FHIT: variants seen among roughly 807,000 people sequenced by gnomAD.
FHIT encodes the protein fragile histidine triad diadenosine triphosphatase.
A neutral mutation model predicts 17.9 loss-of-function variants in FHIT; 19 were observed. The ratio of observed to expected loss-of-function variants is 1.06; its 90% CI spans 0.74 to 1.56. FHIT has a LOEUF of 1.56. Among genes scored for constraint, FHIT ranks in the 40% most tolerant of loss-of-function variants. The probability of loss-of-function intolerance (pLI) is 0.00; values close to 1 mark genes in which losing one functional copy is unlikely to be tolerated. For synonymous variants in FHIT, 81 were observed against 69.7 expected (o/e 1.16, Z -0.81); for missense variants, 248 against 189.2 (o/e 1.31, Z -1.82).
At chr3:60,297,248 C>G (rs763266197) in intron 5 of FHIT, among the ~76,000 whole-genome samples, 4 of 152,046 alleles carry the variant, frequency 2.6e-5, no homozygotes, top group Non-Finnish European at 2.9e-5. Flanking sequence ...GACATATTTA[C>G]TATGATGAAT....
intron 4 of FHIT, among the ~76,000 whole-genome samples, chr3:60,683,686 T>C (rs1046740499): frequency 3.3e-5 from 5 of 152,196 alleles, no homozygotes; most frequent in African/African-American, 7.2e-5. Context: ...CTCTGAGATA[T>C]AGATATGCCT....
rs544576478 is a variant in FHIT, at chr3:60,065,093, G to T, written c.104-50941C>A. Among the ~76,000 whole-genome samples the T allele has an allele frequency of 2.0e-5, 3 of 152,176 alleles. 1 individual carries two copies. The South Asian group carries it at 6.2e-4, about 32-fold the overall frequency. ...GAGACTGTTCTTTAGGACATAAATT[G>T]GGCAAAGAGCAATCAACTCACAAAA... is the stretch of plus-strand genomic sequence containing the variant. On this transcript the variant is annotated intron_variant, in intron 5 of 9. Transcript: ENST00000492590.
At chr3:60,045,701 A>G (rs552916968) in intron 5 of FHIT, among the ~76,000 whole-genome samples, 15 of 152,316 alleles carry the variant, frequency 9.8e-5, no homozygotes, top group African/African-American at 3.4e-4. Flanking sequence ...TCCAGGATGG[A>G]AACAAATGGA....
chr3:61,069,420 T>G (rs1328535552), intron 2 of FHIT, among the ~76,000 whole-genome samples: 1 of 152,184 alleles, frequency 6.6e-6, no homozygotes. Context: ...TCTTGGGCAT[T>G]GTGCTTTTCC....
chr3:60,235,064 G>T (rs912115769), intron 5 of FHIT, among the ~76,000 whole-genome samples: 1 of 152,036 alleles, frequency 6.6e-6, no homozygotes, highest in Non-Finnish European at 1.5e-5. Context: ...GAATAAGAGA[G>T]AGATTCAAAA....
chr3:60,141,695 G>A (rs978045647), intron 5 of FHIT, among the ~76,000 whole-genome samples: 2 of 152,136 alleles, frequency 1.3e-5, no homozygotes, highest in Admixed American at 6.5e-5. Flanking sequence ...TCACTAAAAT[G>A]AATGTTTTGA....
intron 4 of FHIT, among the ~76,000 whole-genome samples, chr3:60,667,220 G>C (rs2040402619): frequency 6.6e-6 from 1 of 151,042 alleles, no homozygotes; most frequent in Non-Finnish European, 1.5e-5. Context: ...TCCTCTTCTG[G>C]GACTCCAATG....
intron 8 of FHIT, among the ~76,000 whole-genome samples, chr3:59,876,437 G>C (rs1703163831): frequency 2.3e-5 from 2 of 87,584 alleles, no homozygotes; most frequent in Admixed American, 2.6e-4. Flanking sequence ...CAGGGGCAGG[G>C]AGGGAGTGTG....
intron 7 of FHIT, among the ~76,000 whole-genome samples, chr3:60,010,986 T>C (rs1015193139): frequency 6.6e-6 from 1 of 152,268 alleles, no homozygotes; most frequent in Non-Finnish European, 1.5e-5. Flanking sequence ...AAGCAGACTA[T>C]GTCAAGAAGC....
intron 3 of FHIT, among the ~76,000 whole-genome samples, chr3:60,955,633 T>TATATATATATATATAC (rs1272864632): frequency 5.6e-4 from 22 of 39,522 alleles, no homozygotes; most frequent in South Asian, 1.7e-3. Flanking sequence ...TATATATATA[T>TATATATATATATATAC]ACACACACAC....
intron 5 of FHIT, among the ~76,000 whole-genome samples, chr3:60,404,431 A>G (rs1161814971): frequency 6.6e-6 from 1 of 152,174 alleles, no homozygotes; most frequent in Non-Finnish European, 1.5e-5. Flanking sequence ...GGGATGTGAC[A>G]GTAGCTAAGA....
At chr3:60,045,880 T>C (rs1350757327) in intron 5 of FHIT, among the ~76,000 whole-genome samples, 1 of 152,198 alleles carries the variant, frequency 6.6e-6, no homozygotes, top group African/African-American at 2.4e-5. Context: ...GAGTTTCATC[T>C]AACTAGAGAT....
intron 7 of FHIT, among the ~76,000 whole-genome samples, chr3:60,007,143 C>A (rs146227403): frequency 6.6e-6 from 1 of 152,214 alleles, no homozygotes; most frequent in South Asian, 2.1e-4. Context: ...ATAAATCTGT[C>A]CTTAATATAC....
intron 5 of FHIT, among the ~76,000 whole-genome samples, chr3:60,356,334 G>C (rs772320028): frequency 6.6e-6 from 1 of 152,040 alleles, no homozygotes; most frequent in Non-Finnish European, 1.5e-5. Flanking sequence ...CAAGTTCAAG[G>C]CTCCTGAGCA....
At chr3:59,796,096 C>T (rs1341416626) in intron 8 of FHIT, among the ~76,000 whole-genome samples, 2 of 152,198 alleles carry the variant, frequency 1.3e-5, no homozygotes, top group African/African-American at 2.4e-5. Flanking sequence ...TGCAGCAAGA[C>T]ATGATTCTCC....
intron 2 of FHIT, among the ~76,000 whole-genome samples, chr3:61,088,639 T>C (rs1477396808): frequency 6.6e-6 from 1 of 152,134 alleles, no homozygotes; most frequent in Non-Finnish European, 1.5e-5. Context: ...TGAGGGAGTA[T>C]AAAATATTAA....
chr3:60,739,459 G>A (rs1577143021), intron 4 of FHIT, among the ~76,000 whole-genome samples: 3 of 152,314 alleles, frequency 2.0e-5, no homozygotes, highest in Admixed American at 2.0e-4. Context: ...CCCACAAGGG[G>A]TTTGAGTTCA....
Position 59,767,951 on chromosome 3 carries a change from T to C in FHIT, c.349-15630A>G, listed in dbSNP as rs544104127. Among the ~76,000 whole-genome samples the C allele has an allele frequency of 6.6e-5, 10 of 152,312 alleles. No individual in the cohort carries two copies. In the South Asian group the frequency reaches 2.1e-3, roughly 32 times the overall value. On this transcript the variant is annotated intron_variant, in intron 8 of 9. Coordinates refer to ENST00000492590, the MANE Select transcript of FHIT (RefSeq NM_002012.4). Reference sequence around the variant, plus strand: ...ACTTAAAGCTCTTTTGCATACAGAATGTTATTTGATGAACTCTAGGGTAGG... The same window carrying C: ...ACTTAAAGCTCTTTTGCATACAGAACGTTATTTGATGAACTCTAGGGTAGG...
At chr3:59,841,534 C>T (rs1304850302) in intron 8 of FHIT, among the ~76,000 whole-genome samples, 1 of 152,210 alleles carries the variant, frequency 6.6e-6, no homozygotes, top group Non-Finnish European at 1.5e-5. Context: ...GGGCTCCCCA[C>T]TGGCTTGGGT....
Sources: allele counts gnomAD v4.1 joint callset (sites outside exome capture counted in the v4.1 genomes callset), GRCh38; gene constraint gnomAD v4.1.1; transcripts MANE v1.5; gene names NCBI Gene and HGNC (gene_info 2026-07-23, HGNC 2026-07-21).